Variants in SERPINB12 observed in about 807,000 individuals in gnomAD.
SERPINB12 encodes the protein serpin B12.
In SERPINB12, 57 loss-of-function variants were observed where a neutral mutation model predicts 41.1. That is an observed-to-expected ratio of 1.39 (90% CI 1.12 to 1.73). The LOEUF (loss-of-function observed/expected upper bound fraction) is 1.73. Among genes scored for constraint, SERPINB12 ranks in the 40% most tolerant of loss-of-function variants. The probability of loss-of-function intolerance (pLI) is 0.00; values close to 1 mark genes in which losing one functional copy is unlikely to be tolerated. For missense variants in SERPINB12, 536 were observed against 501.9 expected (o/e 1.07, Z -0.65); for synonymous variants, 180 against 181.3 (o/e 0.99, Z 0.06).
the SERPINB12 span, among the ~76,000 whole-genome samples, chr18:63,527,883 T>C: frequency 9.7e-4 from 148 of 152,298 alleles, 1 homozygote; most frequent in African/African-American, 3.4e-3. Context: ...GTGGGAGGGA[T>C]CTGGTGAGAG....
At chr18:63,540,339 C>A (rs1439808106), upstream of SERPINB12, among the ~76,000 whole-genome samples, 1 of 152,150 alleles carries the variant, frequency 6.6e-6, no homozygotes, top group East Asian at 1.9e-4. Context: ...CAATTCAACA[C>A]GATGCATTCC....
At chr18:63,525,503 AGTT>A in the SERPINB12 span, among the ~76,000 whole-genome samples, 1 of 152,158 alleles carries the variant, frequency 6.6e-6, no homozygotes, top group South Asian at 2.1e-4. Context: ...AAATGTATTT[AGTT>A]GTTCTATAAA....
the SERPINB12 span, among the ~76,000 whole-genome samples, chr18:63,526,403 A>C: frequency 1.3e-5 from 2 of 151,994 alleles, no homozygotes; most frequent in Non-Finnish European, 2.9e-5. Context: ...GAATTACTGG[A>C]CTCTACTGAT....
the SERPINB12 span, among the ~76,000 whole-genome samples, chr18:63,520,352 C>T: frequency 9.9e-5 from 15 of 152,214 alleles, no homozygotes; most frequent in African/African-American, 3.1e-4. Flanking sequence ...GGGGTGGAAG[C>T]TATTTCTAGG....
the SERPINB12 span, among the ~76,000 whole-genome samples, chr18:63,525,173 CCTTT>C: frequency 1.3e-5 from 2 of 152,112 alleles, no homozygotes; most frequent in East Asian, 3.9e-4. Context: ...GTTTCTATTT[CCTTT>C]CTAAGTCTGT....
the SERPINB12 span, among the ~76,000 whole-genome samples, chr18:63,529,569 G>A: frequency 1.3e-5 from 2 of 152,164 alleles, no homozygotes; most frequent in African/African-American, 2.4e-5. Context: ...GTTTGGATGT[G>A]CTAGGTTTGA....
chr18:63,560,348 G>A (rs965235599), intron 4 of SERPINB12, among the ~76,000 whole-genome samples: 3 of 152,170 alleles, frequency 2.0e-5, no homozygotes, highest in Admixed American at 6.5e-5. Context: ...ATGACCAATG[G>A]CAAAGACGTG....
intron 1 of SERPINB12, among the ~76,000 whole-genome samples, chr18:63,549,202 G>A (rs1035513287): frequency 1.3e-5 from 2 of 152,054 alleles, no homozygotes; most frequent in Non-Finnish European, 2.9e-5. Context: ...TCAATGCAGT[G>A]ATTGAGAGAT....
At chr18:63,535,373 C>T in the SERPINB12 span, among the ~76,000 whole-genome samples, 8,468 of 152,122 alleles carry the variant, frequency 0.056, 275 homozygotes, top group South Asian at 0.11. Flanking sequence ...CATGATATGC[C>T]TCCCGAGGTG....
chr18:63,565,338 C>T, intron 6 of SERPINB12, 107 bp from the exon 7 acceptor site: 2 of 1,041,296 alleles, frequency 1.9e-6, no homozygotes, highest in East Asian at 2.5e-5. Flanking sequence ...ACTTCTCCTG[C>T]AGAACCTTCT....
At chr18:63,527,528 C>G in the SERPINB12 span, among the ~76,000 whole-genome samples, 1 of 152,104 alleles carries the variant, frequency 6.6e-6, no homozygotes, top group Middle Eastern at 3.2e-3. Flanking sequence ...TTGCATGGAC[C>G]TTTTGCTTTT....
chr18:63,556,125 T>C lies in SERPINB12; in HGVS notation c.-18-17T>C, dbSNP rs772920101. 7.1e-6 allele frequency: 10 copies of C among 1,398,740 alleles called. No homozygotes were observed. Among genetic ancestry groups the C allele is most frequent in the Middle Eastern group, 1.8e-4 (1 of 5,420 alleles). The allele number at this position is 1,398,740 out of a possible 1,614,324, so 86.6% of individuals were successfully genotyped here. A position where few individuals can be genotyped will look rare whatever the true frequency, so the allele number is the denominator to read the frequency against. On this transcript the variant is annotated splice_polypyrimidine_tract_variant and intron_variant, in intron 1 of 7. Transcript: ENST00000382768. ...TCCAATCACCATTTTCTCTTTCTCC[T>C]TTTTTTTTGGTTTTAGATCGTTATA...
upstream of SERPINB12, among the ~76,000 whole-genome samples, chr18:63,538,224 C>T (rs748620697): frequency 6.6e-6 from 1 of 152,056 alleles, no homozygotes; most frequent in East Asian, 1.9e-4. Flanking sequence ...TAAAATTCAC[C>T]CTTTTAAAGT....
At chr18:63,533,591 T>C in the SERPINB12 span, among the ~76,000 whole-genome samples, 1 of 152,180 alleles carries the variant, frequency 6.6e-6, no homozygotes, top group Non-Finnish European at 1.5e-5. Context: ...TTAATCCAGA[T>C]TCCCTCCTGA....
the SERPINB12 span, among the ~76,000 whole-genome samples, chr18:63,526,309 T>C: frequency 8.5e-5 from 13 of 152,100 alleles, no homozygotes; most frequent in African/African-American, 3.1e-4. Context: ...TTACTAATAC[T>C]TATTTACTTA....
Position 63,566,678 on chromosome 18 carries a change from G to A in SERPINB12, c.945G>A (p.Val315=). ...SSSENMSEES[V]VLSFPRFTLE... The stretch of plus-strand genomic sequence containing the variant: ...CAGAAAACATGTCAGAAGAATCGGT[G>A]GTCCTGTCCTTCCCCCGGTTCACCC... The change falls in exon 8 of 8, where the codon GTG becomes GTA. Residue 315 remains valine (V), a synonymous_variant. Transcript: ENST00000382768. 1 of 1,614,026 alleles carries A rather than the reference G, an allele frequency of 6.2e-7. No individual in the cohort carries two copies. Among genetic ancestry groups the A allele is most frequent in the Non-Finnish European group, 8.5e-7 (1 of 1,179,980 alleles).
chr18:63,552,956 C>G (rs1299362322), intron 1 of SERPINB12, among the ~76,000 whole-genome samples: 1 of 152,080 alleles, frequency 6.6e-6, no homozygotes, highest in African/African-American at 2.4e-5. Context: ...AGTCATAAAA[C>G]TTTAACAGCA....
intron 2 of SERPINB12, among the ~76,000 whole-genome samples, chr18:63,556,950 T>G (rs1910700810): frequency 6.6e-6 from 1 of 152,232 alleles, no homozygotes. Flanking sequence ...ATCTATCCTT[T>G]GCACAGCAGT....
chr18:63,540,568 A>T (rs1204836466), upstream of SERPINB12, among the ~76,000 whole-genome samples: 1 of 152,180 alleles, frequency 6.6e-6, no homozygotes, highest in Non-Finnish European at 1.5e-5. Context: ...GTAATCTGAG[A>T]TTCAGACAAA....
Sources: gnomAD v4.1 joint callset for allele counts (sites outside exome capture counted in the v4.1 genomes callset) on GRCh38, gnomAD v4.1.1 for gene constraint, MANE v1.5 for transcripts, NCBI Gene and HGNC (gene_info 2026-07-23, HGNC 2026-07-21) for gene names.